The following LGR6 variants were observed in gnomAD, a reference collection of about 807,000 sequenced individuals.
LGR6 encodes leucine rich repeat containing G protein-coupled receptor 6.
A neutral mutation model predicts 69.4 loss-of-function variants in LGR6; 45 were observed. The observed-to-expected ratio is 0.65, with a 90% CI of 0.51 to 0.83. The LOEUF is 0.83. Among genes scored for constraint, LGR6 ranks in the 40% least tolerant of loss-of-function variants. The pLI, the probability that LGR6 is intolerant of heterozygous loss-of-function variation, is 0.00. For missense variants in LGR6, 1,108 were observed against 1,246.7 expected (o/e 0.89, Z 1.68); for synonymous variants, 538 against 555.0 (o/e 0.97, Z 0.43).
intron 4 of LGR6, among the ~76,000 whole-genome samples, chr1:202,253,837 G>A (rs1321568681): frequency 4.2e-5 from 4 of 94,338 alleles, no homozygotes; most frequent in South Asian, 3.9e-4. Context: ...ACGGAGTCTC[G>A]CTCTGTCGCC....
At chr1:202,238,483 G>C (rs1346814045) in intron 4 of LGR6, among the ~76,000 whole-genome samples, 1 of 148,594 alleles carries the variant, frequency 6.7e-6, no homozygotes, top group African/African-American at 2.5e-5. Flanking sequence ...GAGTGCAGTG[G>C]TGCGATCTCA....
chr1:202,236,516 G>C (rs1244468326), intron 4 of LGR6, among the ~76,000 whole-genome samples: 1 of 152,190 alleles, frequency 6.6e-6, no homozygotes, highest in Non-Finnish European at 1.5e-5. Flanking sequence ...GAGCCCTGTA[G>C]TTCCCTTCTT....
chr1:202,203,629 T>G, intron 1 of LGR6: 2 of 606,108 alleles, frequency 3.3e-6, no homozygotes, highest in Non-Finnish European at 5.9e-6. Flanking sequence ...CCTGGAGCCT[T>G]GGAGAGAGAG....
chr1:202,243,855 A>G (rs1392322394), intron 4 of LGR6, among the ~76,000 whole-genome samples: 1 of 152,202 alleles, frequency 6.6e-6, no homozygotes, highest in African/African-American at 2.4e-5. Flanking sequence ...GGAGGAAGAC[A>G]TCATGGGGTT....
rs778450386 is a variant in LGR6, at chr1:202,227,917, C to G, written c.285-19C>G. ...TGGGTTACCTGCCAACATCGCTGAC[C>G]CTTGTCTCTGATTTCCAGGCGTCTC... On this transcript the variant is annotated intron_variant, in intron 2 of 17. Transcript: ENST00000367278. The G allele has an allele frequency of 6.2e-6, 10 of 1,603,108 alleles. No homozygotes were observed. The highest frequency in any genetic ancestry group is 2.6e-6 in the Non-Finnish European group (3 of 1,170,140).
intron 4 of LGR6, among the ~76,000 whole-genome samples, chr1:202,273,409 G>A (rs1665268518): frequency 6.6e-6 from 1 of 151,954 alleles, no homozygotes; most frequent in Non-Finnish European, 1.5e-5. Context: ...CCCCTCCCTG[G>A]CCCCACATCC....
At chr1:202,249,674 G>T (rs1354164536) in intron 4 of LGR6, among the ~76,000 whole-genome samples, 1 of 152,180 alleles carries the variant, frequency 6.6e-6, no homozygotes, top group East Asian at 1.9e-4. Flanking sequence ...CGGAGACTTG[G>T]GTGTCATCCT....
intron 9 of LGR6, among the ~76,000 whole-genome samples, chr1:202,301,533 C>G (rs1265696189): frequency 6.6e-6 from 1 of 152,194 alleles, no homozygotes; most frequent in Non-Finnish European, 1.5e-5. Flanking sequence ...TTATCCTGTT[C>G]ACGGTAGCTT....
intron 4 of LGR6, among the ~76,000 whole-genome samples, chr1:202,256,468 C>T (rs1009062904): frequency 6.6e-6 from 1 of 152,312 alleles, no homozygotes; most frequent in Non-Finnish European, 1.5e-5. Context: ...GTCTTGAACT[C>T]GTGACCTCAG....
At chr1:202,306,816 C>T (rs753797991) in intron 12 of LGR6, 52 bp from the exon 13 acceptor site, 16 of 1,526,748 alleles carry the variant, frequency 1.0e-5, no homozygotes, top group Admixed American at 6.7e-5. Context: ...GGGCATGGAG[C>T]GGAGCCAGGG....
chr1:202,197,980 C>T (rs576891332), intron 1 of LGR6, among the ~76,000 whole-genome samples: 1 of 152,348 alleles, frequency 6.6e-6, no homozygotes, highest in South Asian at 2.1e-4. Context: ...CCATTTTCAT[C>T]GCCCACTGCC....
At chr1:202,240,436 A>C (rs992563652) in intron 4 of LGR6, among the ~76,000 whole-genome samples, 1 of 149,926 alleles carries the variant, frequency 6.7e-6, no homozygotes, top group African/African-American at 2.4e-5. Flanking sequence ...TGCTCTGGGG[A>C]GGGTGCAGGG....
At chr1:202,222,540 C>G (rs538927848) in intron 1 of LGR6, among the ~76,000 whole-genome samples, 1 of 152,118 alleles carries the variant, frequency 6.6e-6, no homozygotes, top group African/African-American at 2.4e-5. Flanking sequence ...GCGTTCCTGT[C>G]GAGACACATC....
At chr1:202,295,319 C>A (rs1351123821) in intron 6 of LGR6, among the ~76,000 whole-genome samples, 2 of 134,348 alleles carry the variant, frequency 1.5e-5, no homozygotes, top group African/African-American at 2.9e-5. Context: ...CAGAGCAAGA[C>A]TCCATCTCAA....
At chr1:202,212,325 C>T (rs1455200772) in intron 1 of LGR6, among the ~76,000 whole-genome samples, 1 of 152,182 alleles carries the variant, frequency 6.6e-6, no homozygotes, top group Non-Finnish European at 1.5e-5. Flanking sequence ...GAGGAAGCCA[C>T]AGTGGGAAGA....
chr1:202,238,871 G>C (rs997150145), intron 4 of LGR6, among the ~76,000 whole-genome samples: 1 of 152,170 alleles, frequency 6.6e-6, no homozygotes, highest in Non-Finnish European at 1.5e-5. Context: ...AGTTAAGAAG[G>C]AACCTGAAAG....
At position 202,318,809 on chromosome 1, in the gene LGR6, G is replaced by T. The variant is rs749429763; in HGVS notation, c.2506G>T (p.Asp836Tyr). ...LYLLFNPHFRDDLRRLRPRAG... is the reference protein window; with the variant it reads ...LYLLFNPHFRYDLRRLRPRAG... Reference sequence around the variant, plus strand: ...CCTGCTCTTCAACCCCCACTTCCGGGATGACCTTCGGCGGCTTCGGCCCCG... The same window carrying T: ...CCTGCTCTTCAACCCCCACTTCCGGTATGACCTTCGGCGGCTTCGGCCCCG... The change falls in exon 18 of 18, where the codon GAT (aspartate) becomes TAT (tyrosine). Residue 836 changes from aspartate (D) to tyrosine (Y), a missense_variant. Asp to Tyr is a radical substitution (Grantham distance 160, BLOSUM62 -3). Transcript: ENST00000367278. 6.2e-7 allele frequency: 1 copy of T among 1,613,508 alleles called. No homozygotes were observed.
intron 16 of LGR6, 35 bp from the exon 17 acceptor site, chr1:202,314,767 C>T (rs1654014148): frequency 2.0e-6 from 3 of 1,527,034 alleles, no homozygotes; most frequent in Non-Finnish European, 2.7e-6. Flanking sequence ...GACACCAAGA[C>T]CCAGGACCCT....
intron 1 of LGR6, among the ~76,000 whole-genome samples, chr1:202,209,905 C>T (rs953927985): frequency 3.3e-5 from 5 of 152,228 alleles, no homozygotes; most frequent in African/African-American, 9.6e-5. Context: ...TACTCCATCT[C>T]CTACAGAAAT....
Sources: allele counts gnomAD v4.1 joint callset (sites outside exome capture counted in the v4.1 genomes callset), GRCh38; gene constraint gnomAD v4.1.1; transcripts MANE v1.5; gene names NCBI Gene and HGNC (gene_info 2026-07-23, HGNC 2026-07-21).